SLC25A21: variants seen among roughly 807,000 people sequenced by gnomAD.
SLC25A21 encodes the protein solute carrier family 25 member 21.
SLC25A21 carries 47 observed loss-of-function variants against 43.8 expected under a neutral mutation model. The ratio of observed to expected loss-of-function variants is 1.07; its 90% confidence interval spans 0.85 to 1.37. SLC25A21 has a LOEUF of 1.37. Among genes scored for constraint, SLC25A21 ranks in the 40% most tolerant of loss-of-function variants. SLC25A21 has a pLI of 0.00. For missense variants in SLC25A21, 352 were observed against 350.2 expected (o/e 1.00, Z -0.04); for synonymous variants, 131 against 121.3 (o/e 1.08, Z -0.52).
At chr14:37,084,708 G>T (rs376192048) in intron 1 of SLC25A21, among the ~76,000 whole-genome samples, 2 of 152,150 alleles carry the variant, frequency 1.3e-5, no homozygotes, top group African/African-American at 4.8e-5. Context: ...AATCGATTCA[G>T]AATAGTTACA....
rs769909348 is a variant in SLC25A21, at chr14:37,172,545, G to C, written c.-195C>G. 6 of 721,848 alleles carry C rather than the reference G, an allele frequency of 8.3e-6. No individual in the cohort carries two copies. The highest frequency in any genetic ancestry group is 1.5e-5 in the Non-Finnish European group (6 of 399,946). 44.7% of individuals were successfully genotyped at this position (721,848 alleles called of 1,614,324 possible). On this transcript the variant is annotated 5_prime_UTR_variant, in exon 1 of 10. Transcript: ENST00000331299. ...TCGTCGCGCGATCTCCGGCGCGTCG[G>C]AACCTGTTCGCAGCGCTCTCGCAGA...
intron 4 of SLC25A21, 32 bp downstream of exon 4, chr14:36,734,474 CT>C: frequency 6.4e-7 from 1 of 1,568,746 alleles, no homozygotes; most frequent in South Asian, 1.2e-5. Context: ...CTGTGCCCTA[CT>C]TTTGCTTGGT....
chr14:36,976,858 G>A (rs1204713956), intron 1 of SLC25A21, among the ~76,000 whole-genome samples: 1 of 152,206 alleles, frequency 6.6e-6, no homozygotes, highest in African/African-American at 2.4e-5. Context: ...TGCTTGAAAA[G>A]TGCTAGTCAT....
rs528687352 is a variant in SLC25A21 at position 37,024,947 on chromosome 14, G to A, written c.70+147334C>T. On this transcript the variant is annotated intron_variant, in intron 1 of 9. Transcript: ENST00000331299. ...TTAAATCTTTCAATTTATAAACAAC[G>A]ATTTAGTTGCAAATAACTAAAAAAG... is the stretch of plus-strand genomic sequence containing the variant. Among the ~76,000 whole-genome samples the A allele has an allele frequency of 4.6e-5, 7 of 152,006 alleles. No individual in the cohort carries two copies. In the South Asian group the frequency reaches 1.5e-3, roughly 32 times the overall value.
At chr14:36,968,509 G>T (rs1463120222) in intron 1 of SLC25A21, among the ~76,000 whole-genome samples, 1 of 152,216 alleles carries the variant, frequency 6.6e-6, no homozygotes, top group African/African-American at 2.4e-5. Flanking sequence ...TCTCTTTTCA[G>T]AGCATCATCC....
chr14:37,031,767 A>T (rs1384415601), intron 1 of SLC25A21, among the ~76,000 whole-genome samples: 1 of 152,220 alleles, frequency 6.6e-6, no homozygotes, highest in African/African-American at 2.4e-5. Context: ...TTCCACAGCC[A>T]TCATTTTACA....
intron 1 of SLC25A21, among the ~76,000 whole-genome samples, chr14:37,139,460 A>G (rs1004044738): frequency 3.3e-5 from 5 of 152,144 alleles, no homozygotes; most frequent in Admixed American, 6.5e-5. Context: ...CAACTTTTCA[A>G]CATTATACTC....
chr14:36,849,207 C>T (rs995427625), intron 2 of SLC25A21, among the ~76,000 whole-genome samples: 2 of 152,124 alleles, frequency 1.3e-5, no homozygotes, highest in East Asian at 3.9e-4. Flanking sequence ...GCTTGGGGTA[C>T]ATCCCTAGAT....
chr14:36,882,653 C>G (rs886811963), intron 1 of SLC25A21, among the ~76,000 whole-genome samples: 3 of 152,098 alleles, frequency 2.0e-5, no homozygotes, highest in African/African-American at 7.2e-5. Context: ...TCTTGGTGAT[C>G]TCATCCAAAT....
chr14:37,060,706 G>A (rs544469981), intron 1 of SLC25A21, among the ~76,000 whole-genome samples: 23 of 151,998 alleles, frequency 1.5e-4, no homozygotes, highest in African/African-American at 5.6e-4. Context: ...TTGCAACCTC[G>A]GAAGACAGGC....
intron 1 of SLC25A21, among the ~76,000 whole-genome samples, chr14:37,099,632 T>C (rs1962778701): frequency 6.6e-6 from 1 of 152,154 alleles, no homozygotes; most frequent in South Asian, 2.1e-4. Flanking sequence ...AAAGTGTTTG[T>C]TCTAATACAC....
At chr14:36,765,737 T>C (rs965211763) in intron 3 of SLC25A21, among the ~76,000 whole-genome samples, 11 of 152,228 alleles carry the variant, frequency 7.2e-5, no homozygotes, top group South Asian at 2.1e-4. Context: ...TTGAAACATC[T>C]TGAAACAAAG....
intron 1 of SLC25A21, among the ~76,000 whole-genome samples, chr14:36,934,798 A>C (rs1469698321): frequency 6.6e-6 from 1 of 152,124 alleles, no homozygotes; most frequent in Admixed American, 6.6e-5. Flanking sequence ...TTTTATTCTC[A>C]AAACTTTATT....
chr14:36,864,614 C>G (rs1407575749), intron 2 of SLC25A21, among the ~76,000 whole-genome samples: 1 of 152,212 alleles, frequency 6.6e-6, no homozygotes, highest in African/African-American at 2.4e-5. Flanking sequence ...GTTGCACTCA[C>G]AATATATTTG....
Position 36,725,636 on chromosome 14 carries a change from G to A in SLC25A21, c.372C>T (p.Ala124=). The change falls in exon 6 of 10, where the codon GCC becomes GCT. Residue 124 remains alanine (A), a synonymous_variant. Coordinates refer to ENST00000331299, the MANE Select transcript of SLC25A21 (RefSeq NM_030631.4). ...CTACCTCAAAAGGGTTAACTACAAT[G>A]GCTTCTGTTAGTCCAGATCCCAATC... ...IAGLGSGLTE[A]IVVNPFEVVK... 1 of 1,601,970 alleles carries A rather than the reference G, an allele frequency of 6.2e-7. No homozygotes were observed. The highest frequency in any genetic ancestry group is 8.5e-7 in the Non-Finnish European group (1 of 1,174,378).
chr14:37,172,531 T>A lies in SLC25A21; in HGVS notation c.-181A>T, dbSNP rs1210023723. 1 of 742,486 alleles carries A rather than the reference T, an allele frequency of 1.3e-6. No homozygotes were observed. The highest frequency in any genetic ancestry group is 2.4e-6 in the Non-Finnish European group (1 of 416,638). 46.0% of individuals were successfully genotyped at this position (742,486 alleles called of 1,614,324 possible). A position where few individuals can be genotyped will look rare whatever the true frequency, so the allele number is the denominator to read the frequency against. On this transcript the variant is annotated 5_prime_UTR_variant, in exon 1 of 10. Transcript: ENST00000331299. ...TTCGAGGCGCAGATTCGTCGCGCGA[T>A]CTCCGGCGCGTCGGAACCTGTTCGC...
chr14:37,020,566 T>C (rs1423525433), intron 1 of SLC25A21, among the ~76,000 whole-genome samples: 3 of 151,978 alleles, frequency 2.0e-5, no homozygotes, highest in African/African-American at 4.8e-5. Flanking sequence ...GTTTGTACTA[T>C]GTAAAATTGA....
intron 1 of SLC25A21, among the ~76,000 whole-genome samples, chr14:36,882,348 A>G (rs959601696): frequency 6.6e-6 from 1 of 152,294 alleles, no homozygotes; most frequent in East Asian, 1.9e-4. Flanking sequence ...ATGTCACTGC[A>G]CTCTAGCCTG....
At chr14:36,890,243 C>T (rs1168262204) in intron 1 of SLC25A21, among the ~76,000 whole-genome samples, 4 of 152,106 alleles carry the variant, frequency 2.6e-5, no homozygotes, top group Admixed American at 2.6e-4. Flanking sequence ...TGAGGCCAAT[C>T]GTCATGCATG....
Sources: allele counts gnomAD v4.1 joint callset (sites outside exome capture counted in the v4.1 genomes callset), GRCh38; gene constraint gnomAD v4.1.1; transcripts MANE v1.5; gene names NCBI Gene and HGNC (gene_info 2026-07-23, HGNC 2026-07-21).